The following CCDC178 variants were observed in gnomAD, a reference collection of about 807,000 sequenced individuals.
CCDC178 encodes the protein coiled-coil domain-containing protein 178.
In CCDC178, 126 loss-of-function variants were observed where a neutral mutation model predicts 117.4. The observed-to-expected ratio is 1.07, with a 90% CI of 0.93 to 1.24. The LOEUF (loss-of-function observed/expected upper bound fraction) is 1.24, where lower values mean the gene tolerates loss of function less well. Among genes scored for constraint, CCDC178 ranks in the 50% most tolerant of loss-of-function variants. CCDC178 has a pLI of 0.00. For missense variants in CCDC178, 1,030 were observed against 986.9 expected, an observed-to-expected ratio of 1.04 and a Z score of -0.59; for synonymous variants, 283 against 313.4, an observed-to-expected ratio of 0.90 and a Z score of 1.02.
intron 20 of CCDC178, among the ~76,000 whole-genome samples, chr18:33,131,054 C>T (rs1346660846): frequency 3.3e-5 from 5 of 151,814 alleles, no homozygotes; most frequent in Non-Finnish European, 7.4e-5. Context: ...TTAAAATGTG[C>T]CTATTATATA....
At chr18:33,397,986 T>C (rs2063662020) in intron 3 of CCDC178, among the ~76,000 whole-genome samples, 1 of 152,090 alleles carries the variant, frequency 6.6e-6, no homozygotes, top group South Asian at 2.1e-4. Context: ...ATAAACATTG[T>C]AAAAGTATCT....
intron 2 of CCDC178, among the ~76,000 whole-genome samples, chr18:33,413,530 G>GAAAA (rs5823896): frequency 6.6e-6 from 1 of 150,726 alleles, no homozygotes. Context: ...TGGGTAAATT[G>GAAAA]AAAAAAAAAT....
rs773492162 is a variant in CCDC178 at position 33,145,571 on chromosome 18, C to T, written c.2239-52661G>A. ...TTATAATAGCATTAATGGGAGACAT[C>T]GGCTGCTTACCAAATATCCATAGGC... On this transcript the variant is annotated intron_variant, in intron 20 of 22. Transcript: ENST00000383096. Among the ~76,000 whole-genome samples, 16 of 152,236 alleles carry T rather than the reference C, an allele frequency of 1.1e-4. No individual in the cohort carries two copies. The East Asian group carries it at 2.9e-3, about 28-fold the overall frequency.
At chr18:32,987,422 TCTATA>T (rs1387140294) in intron 21 of CCDC178, among the ~76,000 whole-genome samples, 16 of 151,966 alleles carry the variant, frequency 1.1e-4, no homozygotes, top group Non-Finnish European at 2.2e-4. Context: ...TATATCTAGG[TCTATA>T]GATATCAACA....
intron 5 of CCDC178, among the ~76,000 whole-genome samples, chr18:33,388,558 C>T (rs1490895317): frequency 1.7e-5 from 1 of 60,106 alleles, no homozygotes; most frequent in Non-Finnish European, 3.0e-5. Flanking sequence ...CTCGCTCTGT[C>T]GCCCAGGCTG....
At chr18:33,186,313 G>A (rs1442335546) in intron 20 of CCDC178, among the ~76,000 whole-genome samples, 1 of 151,870 alleles carries the variant, frequency 6.6e-6, no homozygotes, top group Non-Finnish European at 1.5e-5. Flanking sequence ...TTTTAAACTG[G>A]GTATTTTAAT....
intron 2 of CCDC178, among the ~76,000 whole-genome samples, chr18:33,434,177 G>C (rs994691723): frequency 9.9e-5 from 15 of 151,970 alleles, no homozygotes; most frequent in Non-Finnish European, 1.8e-4. Context: ...AAACAAACCA[G>C]AGATATAAAA....
intron 15 of CCDC178, among the ~76,000 whole-genome samples, chr18:33,244,569 C>T (rs1031906308): frequency 6.6e-6 from 1 of 151,772 alleles, no homozygotes; most frequent in Non-Finnish European, 1.5e-5. Flanking sequence ...TTCCTGCCAC[C>T]CTGTGAAGAG....
intron 22 of CCDC178, among the ~76,000 whole-genome samples, chr18:32,947,635 C>T (rs1568173480): frequency 6.6e-6 from 1 of 151,980 alleles, no homozygotes; most frequent in Non-Finnish European, 1.5e-5. Context: ...AGATATATCC[C>T]CTACAAATAT....
At chr18:32,991,127 T>C (rs114068241) in intron 21 of CCDC178, among the ~76,000 whole-genome samples, 6,366 of 150,204 alleles carry the variant, frequency 0.042, 168 homozygotes, top group East Asian at 0.082. Context: ...GGGGCTATTA[T>C]CATTTTACAG....
chr18:33,197,292 G>T (rs1645530186), intron 20 of CCDC178, among the ~76,000 whole-genome samples: 1 of 152,156 alleles, frequency 6.6e-6, no homozygotes, highest in African/African-American at 2.4e-5. Flanking sequence ...GCCTCTCCAG[G>T]TGATGAGATT....
chr18:32,939,662 A>G (rs1038417896), intron 22 of CCDC178, among the ~76,000 whole-genome samples: 15 of 152,144 alleles, frequency 9.9e-5, no homozygotes. Flanking sequence ...TCCTTGAAGT[A>G]AAAGACAACA....
chr18:33,241,940 C>G (rs957580070), intron 15 of CCDC178, among the ~76,000 whole-genome samples: 2 of 151,328 alleles, frequency 1.3e-5, no homozygotes, highest in African/African-American at 4.8e-5. Flanking sequence ...TATGGAACCC[C>G]AAAAGACTTC....
intron 14 of CCDC178, among the ~76,000 whole-genome samples, chr18:33,249,992 T>G (rs894638684): frequency 6.6e-5 from 10 of 151,994 alleles, no homozygotes; most frequent in Non-Finnish European, 1.3e-4. Flanking sequence ...ACATCCCTTG[T>G]AAGTTGGATT....
At chr18:33,098,671 CA>C (rs1201000256) in intron 20 of CCDC178, among the ~76,000 whole-genome samples, 1 of 151,878 alleles carries the variant, frequency 6.6e-6, no homozygotes. Context: ...CATCAGAAAA[CA>C]AAAAATGTAT....
chr18:33,394,943 G>GTGTATA (rs1222110972), intron 4 of CCDC178, among the ~76,000 whole-genome samples: 80 of 61,502 alleles, frequency 1.3e-3, no homozygotes, highest in African/African-American at 4.2e-3. Flanking sequence ...ATATGTATGT[G>GTGTATA]TATATATATA....
intron 11 of CCDC178, among the ~76,000 whole-genome samples, chr18:33,299,502 AACACACACACAC>A (rs71159812): frequency 6.8e-6 from 1 of 146,100 alleles, no homozygotes; most frequent in African/African-American, 2.5e-5. Context: ...AACTAGTATA[AACACACACACAC>A]ACACACACAC....
At chr18:33,195,655 G>A (rs2058921746) in intron 20 of CCDC178, among the ~76,000 whole-genome samples, 1 of 151,988 alleles carries the variant, frequency 6.6e-6, no homozygotes, top group African/African-American at 2.4e-5. Flanking sequence ...ACAGACTATT[G>A]AACAGTATCT....
At chr18:33,035,665 T>C (rs1445116979) in intron 21 of CCDC178, among the ~76,000 whole-genome samples, 1 of 151,976 alleles carries the variant, frequency 6.6e-6, no homozygotes, top group African/African-American at 2.4e-5. Flanking sequence ...CTTTCAGTTA[T>C]AAGATTAACA....
Sources: allele counts gnomAD v4.1 joint callset (sites outside exome capture counted in the v4.1 genomes callset), GRCh38; gene constraint gnomAD v4.1.1; transcripts MANE v1.5; gene names NCBI Gene and HGNC (gene_info 2026-07-23, HGNC 2026-07-21).